Variants in SENP5 observed in about 807,000 individuals in gnomAD.
SENP5 encodes the protein SUMO specific peptidase 5.
A neutral mutation model predicts 74.2 loss-of-function variants in SENP5; 21 were observed. That is an observed-to-expected ratio of 0.28 (90% CI 0.20 to 0.41). The LOEUF is 0.41. Ranked by LOEUF, SENP5 falls within the 10% of genes least tolerant of loss-of-function variation. The pLI, the probability that SENP5 is intolerant of heterozygous loss-of-function variation, is 1.00. For missense variants in SENP5, 717 were observed against 889.1 expected, an observed-to-expected ratio of 0.81 and a Z score of 2.46; for synonymous variants, 311 against 312.7, an observed-to-expected ratio of 0.99 and a Z score of 0.06.
At position 196,885,424 on chromosome 3, in the gene SENP5, G is replaced by T; in HGVS notation, c.243G>T (p.Lys81Asn). Residue 81 changes from lysine (K) to asparagine (N), a missense_variant, in exon 2 of 10, where the codon AAG becomes AAT. Coordinates refer to ENST00000323460, the MANE Select transcript of SENP5 (RefSeq NM_152699.5). ...IKDEPLCAKT[K>N]FNVATQNVST... ...ATGAACCCCTTTGTGCTAAGACCAA[G>T]TTCAATGTGGCTACTCAAAATGTTA... The T allele has an allele frequency of 6.2e-7, 1 of 1,614,160 alleles. No individual in the cohort carries two copies. Among genetic ancestry groups the T allele is most frequent in the Non-Finnish European group, 8.5e-7 (1 of 1,180,034 alleles).
intron 5 of SENP5, among the ~76,000 whole-genome samples, chr3:196,902,627 C>T (rs1045831916): frequency 3.9e-5 from 6 of 152,218 alleles, no homozygotes; most frequent in African/African-American, 1.2e-4. Context: ...GGTGACCACA[C>T]TCTGAGAACC....
At chr3:196,876,394 G>A (rs896582540) in intron 1 of SENP5, among the ~76,000 whole-genome samples, 1 of 151,914 alleles carries the variant, frequency 6.6e-6, no homozygotes, top group East Asian at 1.9e-4. Context: ...GCCTGGTGGC[G>A]GGCGTCTATA....
intron 5 of SENP5, among the ~76,000 whole-genome samples, 168 bp downstream of exon 5, chr3:196,900,580 A>G (rs1430560408): frequency 6.6e-6 from 1 of 152,090 alleles, no homozygotes; most frequent in African/African-American, 2.4e-5. Flanking sequence ...AGTTCCATCA[A>G]ATCACTTCTT....
intron 3 of SENP5, 34 bp from the exon 4 acceptor site, chr3:196,899,880 CTCATGTTTTT>C: frequency 2.5e-6 from 4 of 1,603,704 alleles, no homozygotes; most frequent in Non-Finnish European, 3.4e-6. Context: ...TTGAGAAGTA[CTCATGTTTTT>C]TTTACCTTTT....
chr3:196,897,049 A>AAAT (rs1488645256), intron 2 of SENP5, among the ~76,000 whole-genome samples: 9 of 152,342 alleles, frequency 5.9e-5, no homozygotes, highest in African/African-American at 2.2e-4. Context: ...CTACCACCAG[A>AAAT]AATAACATTG....
At chr3:196,899,594 GTGTT>G (rs1256015656) in intron 2 of SENP5, 68 bp from the exon 3 acceptor site, 4 of 867,564 alleles carry the variant, frequency 4.6e-6, no homozygotes, top group Non-Finnish European at 7.9e-6. Flanking sequence ...TATAGGTTAA[GTGTT>G]TGGAGAATGA....
intron 7 of SENP5, among the ~76,000 whole-genome samples, chr3:196,925,789 GA>G (rs1715789038): frequency 6.6e-6 from 1 of 152,130 alleles, no homozygotes; most frequent in Non-Finnish European, 1.5e-5. Flanking sequence ...CCCTCCTGCA[GA>G]GTTCTTACCT....
chr3:196,925,042 T>C (rs1395215620), intron 7 of SENP5, among the ~76,000 whole-genome samples: 1 of 152,210 alleles, frequency 6.6e-6, no homozygotes, highest in East Asian at 1.9e-4. Flanking sequence ...TGTAGACACA[T>C]ATATACATAC....
rs572837514 is a variant in SENP5 at position 196,895,737 on chromosome 3, G to C, written c.1514-3929G>C. ...CGGTCTCACTTTGTTGCCCAGACTG[G>C]TCTTGAACTTCTGAGCTTAAGCAAT... On this transcript the variant is annotated intron_variant, in intron 2 of 9. Coordinates refer to ENST00000323460, the MANE Select transcript of SENP5 (RefSeq NM_152699.5). Among the ~76,000 whole-genome samples, 42 of 152,158 alleles carry C rather than the reference G, an allele frequency of 2.8e-4. No individual in the cohort carries two copies. The East Asian group carries it at 5.0e-3, about 18-fold the overall frequency.
intron 6 of SENP5, among the ~76,000 whole-genome samples, chr3:196,908,317 TAAAC>T (rs994779556): frequency 7.9e-5 from 12 of 152,096 alleles, no homozygotes; most frequent in Non-Finnish European, 1.3e-4. Context: ...ACAGGAAAGT[TAAAC>T]AACCTGTTCC....
In SENP5 at chr3:196,923,428, A is replaced by G; in HGVS notation, c.1899A>G (p.Lys633=). The change falls in exon 7 of 10, where the codon AAA becomes AAG. Residue 633 remains lysine (K), a synonymous_variant. Coordinates refer to ENST00000323460, the MANE Select transcript of SENP5 (RefSeq NM_152699.5). The stretch of plus-strand genomic sequence containing the variant: ...TTCTTGATCAGGTGGATTTGTTTAA[A>G]AAGAGTCTTCTGTTGATTCCTATTC... ...KRWTKKVDLF[K]KSLLLIPIHL... is the part of the protein sequence containing the mutation. The G allele has an allele frequency of 6.2e-7, 1 of 1,608,824 alleles. No homozygotes were observed. The highest frequency in any genetic ancestry group is 8.5e-7 in the Non-Finnish European group (1 of 1,178,566).
intron 2 of SENP5, among the ~76,000 whole-genome samples, chr3:196,888,516 G>A (rs544794188): frequency 1.1e-3 from 172 of 152,066 alleles, no homozygotes; most frequent in African/African-American, 3.9e-3. Context: ...CCTGGGAGGC[G>A]GAGGTTGCAG....
intron 1 of SENP5, among the ~76,000 whole-genome samples, chr3:196,870,301 A>G (rs1043420105): frequency 6.6e-6 from 1 of 152,040 alleles, no homozygotes; most frequent in African/African-American, 2.4e-5. Context: ...GGCGTGGGTA[A>G]TATTTTCAAA....
intron 6 of SENP5, among the ~76,000 whole-genome samples, chr3:196,917,548 AAG>A (rs1280362536): frequency 6.6e-6 from 1 of 152,216 alleles, no homozygotes; most frequent in East Asian, 1.9e-4. Flanking sequence ...AGGATAAAGA[AAG>A]AATCCTAAAA....
intron 5 of SENP5, among the ~76,000 whole-genome samples, chr3:196,902,333 G>A (rs1310880114): frequency 1.3e-5 from 2 of 152,098 alleles, no homozygotes; most frequent in African/African-American, 2.4e-5. Context: ...TTGCTATGTT[G>A]CCCAGGCTAG....
chr3:196,893,864 C>A (rs541178866), intron 2 of SENP5, among the ~76,000 whole-genome samples: 23 of 149,578 alleles, frequency 1.5e-4, no homozygotes, highest in African/African-American at 4.9e-4. Context: ...GAGTTGAGAT[C>A]GCACCACTGC....
intron 6 of SENP5, among the ~76,000 whole-genome samples, chr3:196,910,487 C>T (rs935059093): frequency 3.3e-5 from 5 of 151,690 alleles, no homozygotes; most frequent in Admixed American, 6.6e-5. Flanking sequence ...GGTGGGACTA[C>T]AGGCATGCAC....
At chr3:196,929,965 AT>A (rs1269488877) in intron 9 of SENP5, among the ~76,000 whole-genome samples, 2 of 148,414 alleles carry the variant, frequency 1.3e-5, no homozygotes, top group African/African-American at 5.0e-5. Flanking sequence ...ATTTGTCCAT[AT>A]CATAACCATT....
At chr3:196,894,062 A>G (rs1714329291) in intron 2 of SENP5, among the ~76,000 whole-genome samples, 2 of 151,792 alleles carry the variant, frequency 1.3e-5, no homozygotes, top group African/African-American at 2.4e-5. Context: ...GTTTCCACAT[A>G]TAAAGTAAAT....
Sources: gnomAD v4.1 joint callset for allele counts (sites outside exome capture counted in the v4.1 genomes callset) on GRCh38, gnomAD v4.1.1 for gene constraint, MANE v1.5 for transcripts, NCBI Gene and HGNC (gene_info 2026-07-23, HGNC 2026-07-21) for gene names.